ARID4A: variants seen among roughly 807,000 people sequenced by gnomAD.
The protein encoded by ARID4A is AT-rich interactive domain-containing protein 4A.
In ARID4A, 39 loss-of-function variants were observed where a neutral mutation model predicts 148.6. That is an observed-to-expected ratio of 0.26 (90% CI 0.20 to 0.34). The LOEUF (loss-of-function observed/expected upper bound fraction) is 0.34. Among genes scored for constraint, ARID4A ranks in the 10% least tolerant of loss-of-function variants. ARID4A has a pLI of 1.00. For synonymous variants in ARID4A, 475 were observed against 481.2 expected, an observed-to-expected ratio of 0.99 and a Z score of 0.17; for missense variants, 1,265 against 1,449.1, an observed-to-expected ratio of 0.87 and a Z score of 2.06.
At chr14:58,337,838 G>C (rs529952407) in intron 11 of ARID4A, among the ~76,000 whole-genome samples, 9 of 152,222 alleles carry the variant, frequency 5.9e-5, no homozygotes, top group South Asian at 4.1e-4. Context: ...ATAAAACATA[G>C]GCGGTTCCTG....
At chr14:58,339,781 C>G (rs969270915) in intron 11 of ARID4A, among the ~76,000 whole-genome samples, 4 of 151,914 alleles carry the variant, frequency 2.6e-5, no homozygotes, top group Non-Finnish European at 5.9e-5. Flanking sequence ...GGGGAGGCCT[C>G]AGGAAACTTA....
intron 17 of ARID4A, among the ~76,000 whole-genome samples, chr14:58,355,665 G>A (rs1180897941): frequency 6.6e-6 from 1 of 152,116 alleles, no homozygotes; most frequent in East Asian, 1.9e-4. Flanking sequence ...AATGTTAACT[G>A]TTTTCTTTTC....
chr14:58,337,238 C>A (rs1341383658), intron 11 of ARID4A, among the ~76,000 whole-genome samples: 1 of 52,762 alleles, frequency 1.9e-5, no homozygotes, highest in African/African-American at 7.4e-5. Context: ...CTAGAACCTT[C>A]TCTTTATTTA....
chr14:58,318,758 A>G lies in ARID4A; in HGVS notation c.402A>G (p.Pro134=), dbSNP rs775483542. 3.7e-6 allele frequency: 6 copies of G among 1,614,146 alleles called. No homozygotes were observed. Among genetic ancestry groups the G allele is most frequent in the South Asian group, 2.2e-5 (2 of 91,066 alleles). ...CAAATCCAGAGCATTTTGGAACTCC[A>G]GTAATTGCAAAGAAGACGAACAGAG... ...PLTNPEHFGT[P]VIAKKTNRGR... is the part of the protein sequence containing the mutation. Residue 134 remains proline, a synonymous_variant, in exon 7 of 24, where the codon CCA becomes CCG. Transcript: ENST00000355431.
At chr14:58,315,240 A>T (rs566563931) in intron 5 of ARID4A, among the ~76,000 whole-genome samples, 17 of 151,840 alleles carry the variant, frequency 1.1e-4, no homozygotes, top group East Asian at 3.9e-4. Flanking sequence ...CTCTTTTTTT[A>T]AAAAAAAATT....
intron 18 of ARID4A, among the ~76,000 whole-genome samples, chr14:58,360,454 C>G (rs762929230): frequency 7.9e-5 from 12 of 152,128 alleles, no homozygotes; most frequent in Non-Finnish European, 1.5e-4. Context: ...GTACCCTCAC[C>G]CACATCCTCA....
intron 11 of ARID4A, among the ~76,000 whole-genome samples, chr14:58,343,664 A>C (rs1312595971): frequency 6.6e-6 from 1 of 151,776 alleles, no homozygotes; most frequent in East Asian, 1.9e-4. Context: ...CCCCTTCTCT[A>C]TTAAAAATAC....
Position 58,373,225 on chromosome 14 carries a change from G to A in ARID4A, c.*1236G>A, listed in dbSNP as rs1198360179. 5.0e-6 allele frequency: 1 copy of A among 198,516 alleles called. No individual in the cohort carries two copies. Among genetic ancestry groups the A allele is most frequent in the East Asian group, 7.8e-5 (1 of 12,760 alleles). 12.3% of individuals were successfully genotyped at this position (198,516 alleles called of 1,614,324 possible). On this transcript the variant is annotated 3_prime_UTR_variant, in exon 24 of 24. Coordinates refer to ENST00000355431, the MANE Select transcript of ARID4A (RefSeq NM_002892.4). ...AATTTATATCTCCCAAAGTTGAGAT[G>A]CAACAACTAAGTAAAGCAACTATGT...
At chr14:58,332,007 C>G (rs867404234) in intron 11 of ARID4A, among the ~76,000 whole-genome samples, 29 of 144,974 alleles carry the variant, frequency 2.0e-4, no homozygotes, top group East Asian at 6.2e-4. Context: ...CCCCCCCCCC[C>G]CAAAAAACCC....
At chr14:58,335,558 G>T (rs567435251) in intron 11 of ARID4A, among the ~76,000 whole-genome samples, 1 of 151,824 alleles carries the variant, frequency 6.6e-6, no homozygotes, top group Non-Finnish European at 1.5e-5. Flanking sequence ...GGTGATCCGC[G>T]CATCTCAGCC....
chr14:58,325,539 C>G (rs1021950767), intron 8 of ARID4A, among the ~76,000 whole-genome samples: 3 of 152,132 alleles, frequency 2.0e-5, no homozygotes, highest in Non-Finnish European at 4.4e-5. Context: ...CTTGGCCTTC[C>G]GAGGTGCTGG....
In ARID4A at chr14:58,318,706, T is replaced by C; in HGVS notation, c.355-5T>C. The C allele has an allele frequency of 1.2e-6, 2 of 1,613,904 alleles. No homozygotes were observed. The highest frequency in any genetic ancestry group is 1.7e-6 in the Non-Finnish European group (2 of 1,179,776). ...CGTAATTTAATTAATCTATTTCTTA[T>C]ACAGACACTTGACCAGCTTCCATTA... On this transcript the variant is annotated splice_region_variant and splice_polypyrimidine_tract_variant and intron_variant, in intron 6 of 23. Transcript: ENST00000355431.
rs2035670725 is a variant in ARID4A at position 58,372,944 on chromosome 14, T to C, written c.*955T>C. 5.4e-6 allele frequency: 1 copy of C among 186,398 alleles called. No homozygotes were observed. The highest frequency in any genetic ancestry group is 6.2e-5 in the Admixed American group (1 of 16,120). 11.5% of individuals were successfully genotyped at this position (186,398 alleles called of 1,614,324 possible). On this transcript the variant is annotated 3_prime_UTR_variant, in exon 24 of 24. Transcript: ENST00000355431. ...TTAAAAAAAGAAAATTCTAGGTTAA[T>C]TCACTCTTTGGATGACAATAGCTCT...
rs577392958 is a variant in ARID4A, at chr14:58,370,629, G to C, written c.3671-1257G>C. ...TTTTTTTATTACCGTCTTTTTTGTT[G>C]TTGGGGGGTACAGGCTCTGGCACCC... On this transcript the variant is annotated intron_variant, in intron 23 of 23. Coordinates refer to ENST00000355431, the MANE Select transcript of ARID4A (RefSeq NM_002892.4). Among the ~76,000 whole-genome samples, 3 of 151,808 alleles carry C rather than the reference G, an allele frequency of 2.0e-5. No individual in the cohort carries two copies. The South Asian group carries it at 6.2e-4, about 32-fold the overall frequency.
chr14:58,357,315 A>T (rs1000071242), intron 17 of ARID4A, among the ~76,000 whole-genome samples: 3 of 152,228 alleles, frequency 2.0e-5, no homozygotes, highest in African/African-American at 7.2e-5. Context: ...TGAGTTTATC[A>T]GGACATAATG....
intron 11 of ARID4A, among the ~76,000 whole-genome samples, chr14:58,340,989 G>T (rs2034091878): frequency 6.6e-6 from 1 of 152,176 alleles, no homozygotes; most frequent in Admixed American, 6.5e-5. Flanking sequence ...AAAATTGTGA[G>T]TAAGTCAGGC....
In ARID4A at chr14:58,329,992, T is replaced by C. The variant is rs146237910; in HGVS notation, c.740-11T>C. ...TCCATAGCAACTGCTGAAGTACATT[T>C]TCACTCTTAGGGCTTCAGAAAGCAA... On this transcript the variant is annotated splice_polypyrimidine_tract_variant and intron_variant, in intron 10 of 23. Transcript: ENST00000355431. The C allele has an allele frequency of 5.3e-5, 84 of 1,595,982 alleles. 1 individual carries two copies. The South Asian group carries it at 7.3e-4, about 14-fold the overall frequency.
intron 5 of ARID4A, among the ~76,000 whole-genome samples, chr14:58,308,333 C>T (rs1030885367): frequency 1.3e-5 from 2 of 152,082 alleles, no homozygotes; most frequent in Non-Finnish European, 2.9e-5. Context: ...ATTTGAGGAC[C>T]CCAAGCCTCT....
intron 16 of ARID4A, 157 bp downstream of exon 16, chr14:58,351,480 A>G (rs1377502727): frequency 1.0e-6 from 1 of 997,386 alleles, no homozygotes; most frequent in Admixed American, 2.5e-5. Flanking sequence ...GATGATGTGT[A>G]TTGCCTTTCG....
Sources: gnomAD v4.1 joint callset for allele counts (sites outside exome capture counted in the v4.1 genomes callset) on GRCh38, gnomAD v4.1.1 for gene constraint, MANE v1.5 for transcripts, NCBI Gene and HGNC (gene_info 2026-07-23, HGNC 2026-07-21) for gene names.